CLASP1: variants seen among roughly 807,000 people sequenced by gnomAD.
CLASP1 encodes cytoplasmic linker associated protein 1, also known as CLIP-associating protein 1.
A neutral mutation model predicts 192.3 loss-of-function variants in CLASP1; 38 were observed. The observed-to-expected ratio is 0.20, with a 90% CI of 0.15 to 0.26. The LOEUF (loss-of-function observed/expected upper bound fraction) is 0.26, where lower values mean the gene tolerates loss of function less well. Ranked by LOEUF, CLASP1 falls within the 10% of genes least tolerant of loss-of-function variation. The pLI, the probability that CLASP1 is intolerant of heterozygous loss-of-function variation, is 1.00. For missense variants in CLASP1, 1,433 were observed against 1,932.5 expected (o/e 0.74, Z 4.85); for synonymous variants, 691 against 712.8 (o/e 0.97, Z 0.49).
In CLASP1 at chr2:121,590,936, C is replaced by T. The variant is rs113804966; in HGVS notation, c.195+14765G>A. 2.7e-3 allele frequency among the ~76,000 whole-genome samples: 407 copies of T among 149,044 alleles called. 4 individuals carry two copies. In the East Asian group the frequency reaches 0.031, roughly 11 times the overall value. ...AGGCTGGAGAGCAATGGTGCAATCTCGGCTCACTGCAACCTCCGCCTCCCG... is the reference window on the plus strand; with the variant it reads ...AGGCTGGAGAGCAATGGTGCAATCTTGGCTCACTGCAACCTCCGCCTCCCG... On this transcript the variant is annotated intron_variant, in intron 2 of 39. Transcript: ENST00000263710.
intron 2 of CLASP1, among the ~76,000 whole-genome samples, chr2:121,562,348 A>G (rs945371539): frequency 3.3e-5 from 5 of 152,250 alleles, no homozygotes; most frequent in Admixed American, 1.3e-4. Context: ...GAACTGACTT[A>G]TAGAAAATGC....
rs186945972 is a variant in CLASP1, at chr2:121,467,934, C to T, written c.865+1874G>A. Among the ~76,000 whole-genome samples, 313 of 152,084 alleles carry T rather than the reference C, an allele frequency of 2.1e-3. 1 individual carries two copies. The highest frequency in any genetic ancestry group is 7.1e-3 in the African/African-American group (294 of 41,518). The stretch of plus-strand genomic sequence containing the variant: ...TTTATAGTTTTGAGTTATACATTTA[C>T]GTCTTTCATCCATCTTGAGTTGATT... On this transcript the variant is annotated intron_variant, in intron 9 of 39. Transcript: ENST00000263710.
At chr2:121,433,694 T>C (rs1055432795) in intron 19 of CLASP1, among the ~76,000 whole-genome samples, 1 of 152,218 alleles carries the variant, frequency 6.6e-6, no homozygotes, top group Non-Finnish European at 1.5e-5. Context: ...AGGCAAAGGT[T>C]GCAGTGAGCT....
At chr2:121,486,083 G>A (rs2150117635) in intron 8 of CLASP1, among the ~76,000 whole-genome samples, 1 of 152,272 alleles carries the variant, frequency 6.6e-6, no homozygotes, top group Non-Finnish European at 1.5e-5. Context: ...GCAAGAAACG[G>A]GCAAGGTAGG....
At chr2:121,534,786 C>T (rs1318068976) in intron 2 of CLASP1, among the ~76,000 whole-genome samples, 1 of 152,144 alleles carries the variant, frequency 6.6e-6, no homozygotes, top group Non-Finnish European at 1.5e-5. Context: ...CCTCAGCTCC[C>T]AAAGTGCTGG....
intron 2 of CLASP1, among the ~76,000 whole-genome samples, chr2:121,580,888 A>G (rs1454057505): frequency 2.0e-5 from 3 of 152,222 alleles, no homozygotes; most frequent in Admixed American, 2.0e-4. Flanking sequence ...CCTGTCTGAG[A>G]AAAAATATCG....
chr2:121,634,790 G>GCT (rs2070485275), intron 1 of CLASP1, among the ~76,000 whole-genome samples: 1 of 152,116 alleles, frequency 6.6e-6, no homozygotes, highest in Non-Finnish European at 1.5e-5. Flanking sequence ...TTTTTAGAGG[G>GCT]CCATCTTCCT....
At chr2:121,394,709 T>G (rs895406329) in intron 30 of CLASP1, among the ~76,000 whole-genome samples, 1 of 151,926 alleles carries the variant, frequency 6.6e-6, no homozygotes, top group African/African-American at 2.4e-5. Flanking sequence ...GTGAAACCCC[T>G]TCTCTACTAA....
chr2:121,529,752 C>T (rs1415747553), intron 3 of CLASP1, among the ~76,000 whole-genome samples: 2 of 152,118 alleles, frequency 1.3e-5, no homozygotes, highest in Non-Finnish European at 2.9e-5. Flanking sequence ...AATAGTCATG[C>T]CAACCATAAT....
rs1032891733 is a variant in CLASP1, at chr2:121,511,601, A to AAGAG, written c.644+4060_644+4063dup. On this transcript the variant is annotated intron_variant, in intron 7 of 39. Transcript: ENST00000263710. ...GAAACTCCATCTCAAAAAAAAAAAA[A>AAGAG]AGAGAGAGAGAGAGAGAGCTGAAAT... Among the ~76,000 whole-genome samples, 40 of 149,782 alleles carry AAGAG rather than the reference A, an allele frequency of 2.7e-4. No individual in the cohort carries two copies. In the East Asian group the frequency reaches 7.6e-3, roughly 28 times the overall value.
At chr2:121,576,209 G>A (rs2060507667) in intron 2 of CLASP1, among the ~76,000 whole-genome samples, 1 of 152,168 alleles carries the variant, frequency 6.6e-6, no homozygotes, top group African/African-American at 2.4e-5. Context: ...TTAAAAAAAG[G>A]GGGTAGATAT....
At chr2:121,456,105 T>A (rs955137584) in intron 14 of CLASP1, among the ~76,000 whole-genome samples, 2 of 152,154 alleles carry the variant, frequency 1.3e-5, no homozygotes, top group South Asian at 2.1e-4. Flanking sequence ...TGTGAGGTGA[T>A]ACACATGTTA....
intron 23 of CLASP1, among the ~76,000 whole-genome samples, chr2:121,418,019 A>G (rs918982903): frequency 9.2e-5 from 14 of 152,256 alleles, no homozygotes; most frequent in African/African-American, 2.4e-4. Context: ...AAAAATAATT[A>G]TTGAAGAATA....
At chr2:121,478,896 CA>C in intron 8 of CLASP1, among the ~76,000 whole-genome samples, 1 of 74,552 alleles carries the variant, frequency 1.3e-5, no homozygotes, top group Admixed American at 1.3e-4. Flanking sequence ...ACCACACACA[CA>C]CACCACACCA....
chr2:121,338,998 C>G (rs1344719912), exon 40 of CLASP1: 1 of 152,574 alleles, frequency 6.6e-6, no homozygotes, highest in Non-Finnish European at 1.5e-5. Flanking sequence ...CAACAAAAGA[C>G]CTGGTCCTGC....
In CLASP1 at chr2:121,629,791, C is replaced by CA. The variant is rs1491300662; in HGVS notation, c.-286+19580dup. 2.0e-5 allele frequency among the ~76,000 whole-genome samples: 3 copies of CA among 151,108 alleles called. No individual in the cohort carries two copies. The East Asian group carries it at 5.8e-4, about 29-fold the overall frequency. ...GGGCGACAAGAGCGAAACTCCATCT[C>CA]AAAAAAAATAAAAAAGCAAACTAGA... On this transcript the variant is annotated intron_variant, in intron 1 of 39. Transcript: ENST00000263710.
chr2:121,503,140 A>C (rs997668863), intron 8 of CLASP1, 27 bp downstream of exon 8: 1 of 1,467,948 alleles, frequency 6.8e-7, no homozygotes, highest in Non-Finnish European at 9.3e-7. Context: ...TGAAAAAGCA[A>C]AAGTAGGGAT....
chr2:121,404,467 A>C, intron 25 of CLASP1, 33 bp from the exon 27 acceptor site: 4 of 1,566,880 alleles, frequency 2.6e-6, no homozygotes, highest in Non-Finnish European at 3.5e-6. Flanking sequence ...CAATGAATTT[A>C]CTACTTTTAT....
chr2:121,520,196 G>T (rs1358460060), intron 6 of CLASP1, among the ~76,000 whole-genome samples: 1 of 152,190 alleles, frequency 6.6e-6, no homozygotes, highest in Non-Finnish European at 1.5e-5. Flanking sequence ...GCACCTCTCT[G>T]GGGGCAAGTC....
Sources: gnomAD v4.1 joint callset for allele counts (sites outside exome capture counted in the v4.1 genomes callset) on GRCh38, gnomAD v4.1.1 for gene constraint, MANE v1.5 for transcripts, NCBI Gene and HGNC (gene_info 2026-07-23, HGNC 2026-07-21) for gene names.